Variants in GALNTL6 observed in about 807,000 individuals in gnomAD.
GALNTL6 encodes polypeptide N-acetylgalactosaminyltransferase like 6.
In GALNTL6, 46 loss-of-function variants were observed where a neutral mutation model predicts 73.7. The observed-to-expected ratio is 0.62, with a 90% CI of 0.49 to 0.80. The LOEUF (loss-of-function observed/expected upper bound fraction) is 0.80, where lower values mean the gene tolerates loss of function less well. Ranked by LOEUF, GALNTL6 falls within the 30% of genes least tolerant of loss-of-function variation. The pLI is 0.00. For missense variants in GALNTL6, 604 were observed against 755.0 expected (o/e 0.80, Z 2.34); for synonymous variants, 259 against 263.7 (o/e 0.98, Z 0.17).
intron 2 of GALNTL6, among the ~76,000 whole-genome samples, chr4:171,983,413 G>A (rs1169939956): frequency 6.6e-6 from 1 of 152,122 alleles, no homozygotes; most frequent in Non-Finnish European, 1.5e-5. Context: ...AACTTTTCTA[G>A]AAATGTGGAA....
At chr4:172,434,118 A>G (rs1731554447) in intron 5 of GALNTL6, among the ~76,000 whole-genome samples, 1 of 152,160 alleles carries the variant, frequency 6.6e-6, no homozygotes, top group Non-Finnish European at 1.5e-5. Flanking sequence ...TATATATTTT[A>G]GCAAATTTTC....
intron 2 of GALNTL6, among the ~76,000 whole-genome samples, chr4:172,162,451 C>T (rs990671279): frequency 1.3e-5 from 2 of 151,820 alleles, no homozygotes; most frequent in Non-Finnish European, 2.9e-5. Flanking sequence ...TCTGAAAAAA[C>T]TATTAAATAA....
chr4:172,572,363 G>C (rs1164649522), intron 5 of GALNTL6, among the ~76,000 whole-genome samples: 1 of 152,146 alleles, frequency 6.6e-6, no homozygotes, highest in African/African-American at 2.4e-5. Context: ...AACGTAATGA[G>C]AAAAGAGCTA....
rs184326874 is a variant in GALNTL6 at position 171,909,106 on chromosome 4, G to T, written c.138+94388G>T. ...ACATGTATACATATGTAACTAACCT[G>T]CACATTGTGCACATGTACCCTAAAA... On this transcript the variant is annotated intron_variant, in intron 2 of 12. Coordinates refer to ENST00000506823, the MANE Select transcript of GALNTL6 (RefSeq NM_001034845.3). Among the ~76,000 whole-genome samples the T allele has an allele frequency of 1.5e-3, 214 of 146,692 alleles. 1 individual carries two copies. The highest frequency in any genetic ancestry group is 0.01 in the Admixed American group (146 of 14,554).
intron 2 of GALNTL6, among the ~76,000 whole-genome samples, chr4:172,204,887 T>C (rs72701002): frequency 0.022 from 3,405 of 152,300 alleles, 45 homozygotes; most frequent in Non-Finnish European, 0.032. Flanking sequence ...ACAATGTTTC[T>C]ATACAGCTGT....
At chr4:172,099,831 A>G (rs538093623) in intron 2 of GALNTL6, among the ~76,000 whole-genome samples, 2 of 152,250 alleles carry the variant, frequency 1.3e-5, no homozygotes, top group South Asian at 4.1e-4. Flanking sequence ...TGGTCTTTGC[A>G]TGAAACCACG....
chr4:172,923,079 T>C (rs1416268897), intron 8 of GALNTL6, among the ~76,000 whole-genome samples: 2 of 152,212 alleles, frequency 1.3e-5, no homozygotes, highest in Non-Finnish European at 2.9e-5. Context: ...ATCATCTCTT[T>C]GCAGTTAACC....
chr4:172,671,259 A>T (rs904647943), intron 5 of GALNTL6, among the ~76,000 whole-genome samples: 1 of 152,182 alleles, frequency 6.6e-6, no homozygotes, highest in African/African-American at 2.4e-5. Flanking sequence ...CATTTTTATG[A>T]TATTGATTCT....
At chr4:172,865,949 T>C (rs1744641551) in intron 7 of GALNTL6, among the ~76,000 whole-genome samples, 1 of 152,188 alleles carries the variant, frequency 6.6e-6, no homozygotes, top group Non-Finnish European at 1.5e-5. Context: ...ACCTACCTGA[T>C]TTCCAAAGAC....
chr4:172,417,670 A>G (rs112112657), intron 5 of GALNTL6, among the ~76,000 whole-genome samples: 2 of 152,122 alleles, frequency 1.3e-5, no homozygotes, highest in African/African-American at 4.8e-5. Flanking sequence ...TAAAAAAATT[A>G]AAATTTAAAT....
intron 5 of GALNTL6, among the ~76,000 whole-genome samples, chr4:172,449,119 T>C (rs193140526): frequency 1.3e-5 from 2 of 152,266 alleles, no homozygotes; most frequent in Non-Finnish European, 1.5e-5. Flanking sequence ...GGGCTTCTTT[T>C]TTACAATAGT....
chr4:171,886,859 G>C (rs1369221116), intron 2 of GALNTL6, among the ~76,000 whole-genome samples: 2 of 152,170 alleles, frequency 1.3e-5, no homozygotes, highest in Admixed American at 1.3e-4. Context: ...AAATGGAAAA[G>C]CCATAGAAGT....
intron 2 of GALNTL6, among the ~76,000 whole-genome samples, chr4:172,167,362 G>C (rs1018731851): frequency 1.3e-5 from 2 of 152,134 alleles, no homozygotes; most frequent in African/African-American, 4.8e-5. Flanking sequence ...TTAGAAGATG[G>C]TATGCATATG....
chr4:172,848,717 T>A (rs1445026480), intron 7 of GALNTL6, among the ~76,000 whole-genome samples: 1 of 152,204 alleles, frequency 6.6e-6, no homozygotes, highest in East Asian at 1.9e-4. Context: ...TCTCCAACCT[T>A]GTCCTCCAAA....
At chr4:171,842,030 A>T (rs1382212986) in intron 2 of GALNTL6, among the ~76,000 whole-genome samples, 1 of 152,124 alleles carries the variant, frequency 6.6e-6, no homozygotes, top group Non-Finnish European at 1.5e-5. Context: ...CTGGCCTATC[A>T]GCAGAATACC....
At chr4:172,417,055 A>G (rs1730861020) in intron 5 of GALNTL6, among the ~76,000 whole-genome samples, 1 of 152,168 alleles carries the variant, frequency 6.6e-6, no homozygotes, top group South Asian at 2.1e-4. Flanking sequence ...AAAACATTAT[A>G]TAAATCCGAC....
chr4:172,770,631 A>C (rs1738710491), intron 5 of GALNTL6, among the ~76,000 whole-genome samples: 1 of 152,218 alleles, frequency 6.6e-6, no homozygotes, highest in African/African-American at 2.4e-5. Flanking sequence ...TTTTAATTTT[A>C]ATTCTTTTTT....
intron 2 of GALNTL6, among the ~76,000 whole-genome samples, chr4:172,077,865 G>A (rs1731749586): frequency 6.6e-6 from 1 of 152,012 alleles, no homozygotes; most frequent in Non-Finnish European, 1.5e-5. Context: ...GACCTAGGAG[G>A]AAAAAAATGG....
chr4:172,050,349 G>A (rs892882729), intron 2 of GALNTL6, among the ~76,000 whole-genome samples: 8 of 152,136 alleles, frequency 5.3e-5, no homozygotes, highest in Admixed American at 5.2e-4. Context: ...AGAAGTTACA[G>A]GCAAAATCAT....
Sources: allele counts gnomAD v4.1 joint callset (sites outside exome capture counted in the v4.1 genomes callset), GRCh38; gene constraint gnomAD v4.1.1; transcripts MANE v1.5; gene names NCBI Gene and HGNC (gene_info 2026-07-23, HGNC 2026-07-21).